IL20RA: variants seen among roughly 807,000 people sequenced by gnomAD.
The protein encoded by IL20RA is interleukin 20 receptor subunit alpha, also known as interleukin-20 receptor subunit alpha.
In IL20RA, 29 loss-of-function variants were observed where a neutral mutation model predicts 36.5. That is an observed-to-expected ratio of 0.79 (90% confidence interval 0.59 to 1.08). IL20RA has a LOEUF of 1.08. Ranked by LOEUF, IL20RA falls within the 50% of genes least tolerant of loss-of-function variation. The pLI is 0.00. For synonymous variants in IL20RA, 279 were observed against 267.1 expected (o/e 1.04, Z -0.43); for missense variants, 652 against 668.4 (o/e 0.98, Z 0.27).
rs933465578 is a variant in IL20RA, at chr6:137,002,119, C to T, written c.1101G>A (p.Met367Ile). Reference protein sequence around the residue: ...VKHLGYASHLMEIFCDSEENT... With the variant: ...VKHLGYASHLIEIFCDSEENT... ...TTTCTTCAGAGTCACAAAAAATTTC[C>T]ATCAAATGCGAAGCATACCCTAAAT... The change falls in exon 7 of 7, where the codon ATG (methionine) becomes ATA (isoleucine). Residue 367 changes from methionine (M) to isoleucine (I), a missense_variant. Coordinates refer to ENST00000316649, the MANE Select transcript of IL20RA (RefSeq NM_014432.4). The T allele has an allele frequency of 1.2e-6, 2 of 1,614,116 alleles. No individual in the cohort carries two copies. Among genetic ancestry groups the T allele is most frequent in the Non-Finnish European group, 1.7e-6 (2 of 1,180,024 alleles).
At chr6:137,008,904 T>C in intron 4 of IL20RA, 161 bp from the exon 5 acceptor site, 1 of 406,832 alleles carries the variant, frequency 2.5e-6, no homozygotes, top group Non-Finnish European at 4.1e-6. Context: ...AGTTTCAATA[T>C]ACTCTTTTCC....
rs1160841831 is a variant in IL20RA, at chr6:137,009,460, T to C, written c.436A>G (p.Thr146Ala). The change falls in exon 4 of 7, where the codon ACA becomes GCA. Residue 146 changes from threonine (T) to alanine (A), a missense_variant. By Grantham distance (58) the Thr-to-Ala change is moderately conservative. Coordinates refer to ENST00000316649, the MANE Select transcript of IL20RA (RefSeq NM_014432.4). Reference protein sequence around the residue: ...QIGPPEVALTTDEKSISVVLT... With the variant: ...QIGPPEVALTADEKSISVVLT... ...ACAACAGAAATGGACTTCTCATCTG[T>C]AGTCAGTGCCACCTCTGGTGGGCCA... is the stretch of plus-strand genomic sequence containing the variant. The C allele has an allele frequency of 4.3e-6, 7 of 1,612,774 alleles. No individual in the cohort carries two copies. Among genetic ancestry groups the C allele is most frequent in the Non-Finnish European group, 5.9e-6 (7 of 1,178,912 alleles).
chr6:137,027,802 TG>T (rs1273574004), intron 1 of IL20RA, among the ~76,000 whole-genome samples: 2 of 152,202 alleles, frequency 1.3e-5, no homozygotes, highest in East Asian at 1.9e-4. Context: ...TTCAGCCATT[TG>T]GTGGATGCTC....
intron 1 of IL20RA, among the ~76,000 whole-genome samples, chr6:137,041,974 C>G (rs536371171): frequency 2.6e-5 from 4 of 152,264 alleles, no homozygotes; most frequent in Admixed American, 6.5e-5. Flanking sequence ...GCCCCCACCC[C>G]CCGACAGGCT....
rs1294433576 is a variant in IL20RA at position 137,002,375 on chromosome 6, T to A, written c.865-20A>T. 2.0e-6 allele frequency: 3 copies of A among 1,491,678 alleles called. No individual in the cohort carries two copies. The highest frequency in any genetic ancestry group is 3.9e-5 in the Admixed American group (2 of 51,080). 92.4% of individuals were successfully genotyped at this position (1,491,678 alleles called of 1,614,324 possible). On this transcript the variant is annotated intron_variant, in intron 6 of 6. Transcript: ENST00000316649. ...CAAAATCTATAAAGAGAAAAGAGAA[T>A]GATTTTCACCTTTTCACTTTAGAGA... is the stretch of plus-strand genomic sequence containing the variant.
intron 1 of IL20RA, among the ~76,000 whole-genome samples, chr6:137,032,007 C>T (rs1334797761): frequency 7.2e-6 from 1 of 139,366 alleles, no homozygotes; most frequent in Non-Finnish European, 1.5e-5. Context: ...GAGCCAAGAT[C>T]GTGCCACTGC....
At chr6:137,003,971 G>A (rs899778814) in intron 6 of IL20RA, among the ~76,000 whole-genome samples, 4 of 152,142 alleles carry the variant, frequency 2.6e-5, no homozygotes, top group South Asian at 2.1e-4. Context: ...AATTCCCAGC[G>A]CCTGCTCTCA....
chr6:137,003,968 A>G (rs1282571540), intron 6 of IL20RA, among the ~76,000 whole-genome samples: 1 of 151,988 alleles, frequency 6.6e-6, no homozygotes, highest in African/African-American at 2.4e-5. Flanking sequence ...CAGAATTCCC[A>G]GCGCCTGCTC....
chr6:137,044,164 G>T (rs961827490), intron 1 of IL20RA: 10 of 985,986 alleles, frequency 1.0e-5, no homozygotes, highest in Non-Finnish European at 1.2e-5. Flanking sequence ...CTTTTAAAGC[G>T]CGGATCTCGC....
Position 137,022,306 on chromosome 6 carries a change from G to A in IL20RA, c.89-5203C>T, listed in dbSNP as rs139349998. On this transcript the variant is annotated intron_variant, in intron 1 of 6. Transcript: ENST00000316649. ...GCAGAAACTCCTCCTCTTTTGACAC[G>A]TTCTCCAGATGATATGGTGACCACG... is the stretch of plus-strand genomic sequence containing the variant. Among the ~76,000 whole-genome samples the A allele has an allele frequency of 3.7e-3, 564 of 152,222 alleles. 3 individuals carry two copies. Among genetic ancestry groups the A allele is most frequent in the African/African-American group, 0.013 (520 of 41,544 alleles).
In IL20RA at chr6:137,004,701, T is replaced by A; in HGVS notation, c.784A>T (p.Thr262Ser). 6.2e-7 allele frequency: 1 copy of A among 1,610,980 alleles called. No homozygotes were observed. Among genetic ancestry groups the A allele is most frequent in the Non-Finnish European group, 8.5e-7 (1 of 1,178,840 alleles). Reference sequence around the variant, plus strand: ...CCCATCACAGAAAAAAGAAACACGGTAATAGATACGGGCAAAACATACCAG... The same window carrying A: ...CCCATCACAGAAAAAAGAAACACGGAAATAGATACGGGCAAAACATACCAG... ...IFWYVLPVSI[T>S]VFLFSVMGYS... The change falls in exon 6 of 7, where the codon ACC becomes TCC. Residue 262 changes from threonine (T) to serine (S), a missense_variant. By Grantham distance (58) the Thr-to-Ser change is moderately conservative (BLOSUM62 1). Transcript: ENST00000316649.
intron 3 of IL20RA, among the ~76,000 whole-genome samples, chr6:137,009,832 CT>C (rs1328789134): frequency 1.3e-5 from 2 of 151,974 alleles, no homozygotes; most frequent in African/African-American, 2.4e-5. Flanking sequence ...TCTCGAACTC[CT>C]GATCCTGTGA....
intron 2 of IL20RA, among the ~76,000 whole-genome samples, chr6:137,012,516 G>GAT (rs1248575270): frequency 6.6e-6 from 1 of 152,170 alleles, no homozygotes; most frequent in Non-Finnish European, 1.5e-5. Context: ...GTATGTTAGA[G>GAT]ATATCCCACT....
Position 137,004,741 on chromosome 6 carries a change from C to T in IL20RA, c.744G>A (p.Lys248=). 1 of 1,587,874 alleles carries T rather than the reference C, an allele frequency of 6.3e-7. No individual in the cohort carries two copies. Reference sequence around the variant, plus strand: ...AAACATACCAGAAGATGATTTTAGCCTTGAACTCTGATGATTGATCTGTAA... The same window carrying T: ...AAACATACCAGAAGATGATTTTAGCTTTGAACTCTGATGATTGATCTGTAA... ...RTLKDQSSEF[K]AKIIFWYVLP... Residue 248 remains lysine (K), a synonymous_variant, in exon 6 of 7, where the codon AAG becomes AAA. Transcript: ENST00000316649.
At chr6:137,039,239 A>C (rs1261215753) in intron 1 of IL20RA, among the ~76,000 whole-genome samples, 1 of 152,206 alleles carries the variant, frequency 6.6e-6, no homozygotes, top group Non-Finnish European at 1.5e-5. Flanking sequence ...ATTCTATAGG[A>C]AGCTGAGTAG....
chr6:137,004,288 G>A (rs989171195), intron 6 of IL20RA, among the ~76,000 whole-genome samples: 1 of 148,358 alleles, frequency 6.7e-6, no homozygotes, highest in Non-Finnish European at 1.5e-5. Flanking sequence ...TGACTCTCCT[G>A]TCTCAGCCTC....
intron 1 of IL20RA, among the ~76,000 whole-genome samples, chr6:137,041,963 A>G (rs986548486): frequency 6.6e-6 from 1 of 151,824 alleles, no homozygotes; most frequent in Non-Finnish European, 1.5e-5. Context: ...TCCCTCCCCT[A>G]GCCCCCACCC....
intron 1 of IL20RA, among the ~76,000 whole-genome samples, chr6:137,035,045 T>C (rs1776441819): frequency 6.6e-6 from 1 of 152,118 alleles, no homozygotes; most frequent in Non-Finnish European, 1.5e-5. Flanking sequence ...TCCATGTCCC[T>C]GCAAAAGGAC....
chr6:137,004,456 G>A (rs563904710), intron 6 of IL20RA, among the ~76,000 whole-genome samples, 165 bp downstream of exon 6: 2 of 152,208 alleles, frequency 1.3e-5, no homozygotes, highest in East Asian at 1.9e-4. Context: ...GATTACAGGC[G>A]TGAGCCACCA....
Sources: gnomAD v4.1 joint callset for allele counts (sites outside exome capture counted in the v4.1 genomes callset) on GRCh38, gnomAD v4.1.1 for gene constraint, MANE v1.5 for transcripts, NCBI Gene and HGNC (gene_info 2026-07-23, HGNC 2026-07-21) for gene names.